Variants in DOCK4 observed in about 807,000 individuals in gnomAD.
DOCK4 encodes the protein dedicator of cytokinesis protein 4.
In DOCK4, 97 loss-of-function variants were observed where a neutral mutation model predicts 268.1. The ratio of observed to expected loss-of-function variants is 0.36; its 90% CI spans 0.31 to 0.43. The LOEUF (loss-of-function observed/expected upper bound fraction) is 0.43. DOCK4 is among the 20% of genes least tolerant of loss of function. DOCK4 has a pLI of 1.00. For synonymous variants in DOCK4, 954 were observed against 887.2 expected (o/e 1.08, Z -1.34); for missense variants, 2,145 against 2,455.7 (o/e 0.87, Z 2.67).
intron 16 of DOCK4, among the ~76,000 whole-genome samples, chr7:111,888,074 G>A (rs565229661): frequency 2.0e-5 from 3 of 152,044 alleles, no homozygotes; most frequent in Admixed American, 6.5e-5. Flanking sequence ...GGGAAGTGGT[G>A]GGGTAGGGAG....
At chr7:112,059,206 G>A (rs990486551) in intron 1 of DOCK4, among the ~76,000 whole-genome samples, 20 of 133,304 alleles carry the variant, frequency 1.5e-4, no homozygotes, top group Admixed American at 5.2e-4. Context: ...GCAGTGGCAC[G>A]ATCTCAGCTC....
chr7:112,098,195 T>G (rs970910465), intron 1 of DOCK4, among the ~76,000 whole-genome samples: 5 of 152,214 alleles, frequency 3.3e-5, no homozygotes, highest in Non-Finnish European at 2.9e-5. Context: ...TCTTCTTTTT[T>G]TTAGACAGAG....
chr7:111,972,978 G>A (rs895599226), intron 8 of DOCK4, among the ~76,000 whole-genome samples: 2 of 151,370 alleles, frequency 1.3e-5, no homozygotes, highest in South Asian at 2.1e-4. Context: ...AAAGTCTATC[G>A]TATCATTCCT....
intron 1 of DOCK4, among the ~76,000 whole-genome samples, chr7:112,160,284 G>A (rs1017850832): frequency 6.6e-6 from 1 of 152,096 alleles, no homozygotes; most frequent in African/African-American, 2.4e-5. Context: ...ATGATAAGAT[G>A]TTTCTTTTGA....
At chr7:111,876,692 G>A (rs771233715) in intron 17 of DOCK4, among the ~76,000 whole-genome samples, 11 of 149,530 alleles carry the variant, frequency 7.4e-5, no homozygotes, top group Non-Finnish European at 1.6e-4. Flanking sequence ...TCTAAAGCCT[G>A]CAATTAGCAC....
At chr7:111,998,314 T>G in intron 4 of DOCK4, 134 bp downstream of exon 4, 1 of 708,090 alleles carries the variant, frequency 1.4e-6, no homozygotes, top group Non-Finnish European at 2.2e-6. Context: ...GCAATATATC[T>G]TTAACAAAGA....
chr7:112,000,219 A>C (rs767436561), intron 3 of DOCK4, among the ~76,000 whole-genome samples: 29 of 152,148 alleles, frequency 1.9e-4, no homozygotes, highest in Non-Finnish European at 4.0e-4. Flanking sequence ...TAGCTCTCTG[A>C]GAAACTACCA....
intron 1 of DOCK4, among the ~76,000 whole-genome samples, chr7:112,153,638 T>C (rs781055879): frequency 2.6e-5 from 4 of 152,210 alleles, no homozygotes; most frequent in Non-Finnish European, 4.4e-5. Context: ...AGCTAAGCCA[T>C]ATTATGGGTT....
At position 111,753,008 on chromosome 7, in the gene DOCK4, G is replaced by T. The variant is rs541770820; in HGVS notation, c.4416+2507C>A. Among the ~76,000 whole-genome samples the T allele has an allele frequency of 9.6e-4, 141 of 146,926 alleles. 1 individual carries two copies. Among genetic ancestry groups the T allele is most frequent in the African/African-American group, 3.3e-3 (132 of 40,080 alleles). On this transcript the variant is annotated intron_variant, in intron 42 of 52. Transcript: ENST00000428084. ...TTAACAAAAGTTGATAAGCTATTGG[G>T]GGGGGGGTCTGTGATTTAGAAAATA... is the stretch of plus-strand genomic sequence containing the variant.
chr7:111,791,274 A>T (rs886206387), intron 30 of DOCK4, among the ~76,000 whole-genome samples: 2 of 85,354 alleles, frequency 2.3e-5, no homozygotes, highest in African/African-American at 3.2e-4. Flanking sequence ...TAATTTAAAA[A>T]ATACACACAC....
intron 1 of DOCK4, among the ~76,000 whole-genome samples, chr7:112,096,050 T>C (rs555476514): frequency 1.3e-5 from 2 of 152,244 alleles, no homozygotes; most frequent in South Asian, 4.1e-4. Context: ...GATTGCACCA[T>C]TGCACTCCAG....
chr7:111,951,089 T>C (rs1796012780), intron 8 of DOCK4, among the ~76,000 whole-genome samples: 1 of 152,188 alleles, frequency 6.6e-6, no homozygotes, highest in Non-Finnish European at 1.5e-5. Flanking sequence ...ATCATGATAC[T>C]ATAAATCAAA....
intron 1 of DOCK4, among the ~76,000 whole-genome samples, chr7:112,098,744 T>A (rs1810390623): frequency 7.1e-6 from 1 of 140,042 alleles, no homozygotes; most frequent in Non-Finnish European, 1.6e-5. Flanking sequence ...TCAGTATATG[T>A]TAATTTGGGT....
chr7:111,831,816 C>T (rs1215150734), intron 26 of DOCK4, among the ~76,000 whole-genome samples: 1 of 152,186 alleles, frequency 6.6e-6, no homozygotes, highest in Non-Finnish European at 1.5e-5. Flanking sequence ...TGCAACCAGA[C>T]AGGTCTTTCT....
At chr7:112,187,300 A>T (rs1819559899) in intron 1 of DOCK4, among the ~76,000 whole-genome samples, 1 of 152,190 alleles carries the variant, frequency 6.6e-6, no homozygotes, top group South Asian at 2.1e-4. Flanking sequence ...AAAAAATAAA[A>T]CTTCAGAGTC....
chr7:112,111,849 A>C (rs1475848100), intron 1 of DOCK4, among the ~76,000 whole-genome samples: 2 of 152,178 alleles, frequency 1.3e-5, no homozygotes, highest in Non-Finnish European at 2.9e-5. Flanking sequence ...TAAAATCCAC[A>C]TGGGCCATTT....
intron 26 of DOCK4, among the ~76,000 whole-genome samples, chr7:111,823,180 C>A (rs938595899): frequency 8.0e-5 from 12 of 150,150 alleles, no homozygotes; most frequent in Admixed American, 2.7e-4. Context: ...TGACAAGAAG[C>A]TATCATCAGA....
chr7:111,859,109 CCTGGGCTCAAGTGATCCT>C (rs1161295697), intron 23 of DOCK4, among the ~76,000 whole-genome samples: 1 of 152,170 alleles, frequency 6.6e-6, no homozygotes, highest in Non-Finnish European at 1.5e-5. Context: ...TTCTCAACCC[CCTGGGCTCAAGTGATCCT>C]CCCACCTCAG....
chr7:112,004,217 T>C lies in DOCK4; in HGVS notation c.38-86A>G. 3.0e-6 allele frequency: 3 copies of C among 1,006,048 alleles called. No individual in the cohort carries two copies. The South Asian group carries it at 4.6e-5, about 15-fold the overall frequency. 62.3% of individuals were successfully genotyped at this position (1,006,048 alleles called of 1,614,324 possible). On this transcript the variant is annotated intron_variant, in intron 1 of 52. Transcript: ENST00000428084. ...TGTTATTGACTAGGAAAAATGAATATAAATAGGAAGTATAATTTGATAGCT... is the reference window on the plus strand; with the variant it reads ...TGTTATTGACTAGGAAAAATGAATACAAATAGGAAGTATAATTTGATAGCT...
Sources: gnomAD v4.1 joint callset for allele counts (sites outside exome capture counted in the v4.1 genomes callset) on GRCh38, gnomAD v4.1.1 for gene constraint, MANE v1.5 for transcripts, NCBI Gene and HGNC (gene_info 2026-07-23, HGNC 2026-07-21) for gene names.